PHF10: variants seen among roughly 807,000 people sequenced by gnomAD.
The protein encoded by PHF10 is PHD finger protein 10.
A neutral mutation model predicts 68.5 loss-of-function variants in PHF10; 51 were observed. The ratio of observed to expected loss-of-function variants is 0.74; its 90% CI spans 0.59 to 0.94. PHF10 has a LOEUF of 0.94. PHF10 is among the 40% of genes least tolerant of loss of function. The pLI is 0.00. For missense variants in PHF10, 460 were observed against 602.6 expected, an observed-to-expected ratio of 0.76 and a Z score of 2.48; for synonymous variants, 204 against 203.5, an observed-to-expected ratio of 1.00 and a Z score of -0.02.
At chr6:169,706,727 T>TACATACATACAC (rs1490874788) in intron 9 of PHF10, among the ~76,000 whole-genome samples, 1 of 127,376 alleles carries the variant, frequency 7.9e-6, no homozygotes, top group Admixed American at 7.9e-5. Flanking sequence ...CATACATACA[T>TACATACATACAC]ACACACACAC....
intron 1 of PHF10, among the ~76,000 whole-genome samples, chr6:169,723,191 A>G (rs1479050055): frequency 2.6e-5 from 4 of 152,094 alleles, no homozygotes; most frequent in African/African-American, 7.2e-5. Flanking sequence ...CTTTTAAAAC[A>G]TCATTCCTCC....
intron 8 of PHF10, 92 bp from the exon 9 acceptor site, chr6:169,710,483 T>G (rs1788903709): frequency 1.1e-6 from 1 of 887,064 alleles, no homozygotes; most frequent in Non-Finnish European, 1.8e-6. Flanking sequence ...TCAAAGAAAG[T>G]TTTAAAGCTT....
At chr6:169,718,974 A>C in intron 2 of PHF10, 56 bp from the exon 3 acceptor site, 1 of 1,157,676 alleles carries the variant, frequency 8.6e-7, no homozygotes, top group South Asian at 1.4e-5. Flanking sequence ...ATTTTTAATC[A>C]CTTTTATTGA....
chr6:169,709,709 G>C (rs1001987344), intron 9 of PHF10: 3 of 152,046 alleles, frequency 2.0e-5, no homozygotes, highest in Non-Finnish European at 4.4e-5. Flanking sequence ...TAAGTAACAG[G>C]TTTTATTATT....
chr6:169,717,885 G>A lies in PHF10; in HGVS notation c.347C>T (p.Ser116Phe). The A allele has an allele frequency of 6.4e-7, 1 of 1,560,866 alleles. No individual in the cohort carries two copies. The highest frequency in any genetic ancestry group is 1.2e-5 in the South Asian group (1 of 86,186). The change falls in exon 4 of 12, where the codon TCT (serine) becomes TTT (phenylalanine). Residue 116 changes from serine to phenylalanine, a missense_variant. Ser to Phe is a radical substitution (Grantham distance 155). Coordinates refer to ENST00000339209, the MANE Select transcript of PHF10 (RefSeq NM_018288.4). Reference protein sequence around the residue: ...KYPDLERRDLSHKEKLYLREL... With the variant: ...KYPDLERRDLFHKEKLYLREL... ...TCTCAGGTAGAGTTTCTCCTTGTGAGACAAATCTCGTCGCTCTAAATCTCC... is the reference window on the plus strand; with the variant it reads ...TCTCAGGTAGAGTTTCTCCTTGTGAAACAAATCTCGTCGCTCTAAATCTCC...
intron 2 of PHF10, among the ~76,000 whole-genome samples, chr6:169,720,178 A>G (rs1472123919): frequency 6.6e-6 from 1 of 152,206 alleles, no homozygotes; most frequent in Non-Finnish European, 1.5e-5. Context: ...TTGGTGAGAA[A>G]TATGAAGAAA....
intron 11 of PHF10, chr6:169,704,623 T>C (rs1788708967): frequency 5.9e-6 from 1 of 169,428 alleles, no homozygotes; most frequent in African/African-American, 2.4e-5. Flanking sequence ...GCATATATTT[T>C]ATAAGAGTAT....
Position 169,723,964 on chromosome 6 carries a change from G to GTCGCCTCCGCCT in PHF10, c.-45_-34dup. The GTCGCCTCCGCCT allele has an allele frequency of 1.4e-6, 1 of 716,636 alleles. No individual in the cohort carries two copies. The highest frequency in any genetic ancestry group is 1.7e-6 in the Non-Finnish European group (1 of 589,596). The allele number at this position is 716,636 out of a possible 1,614,324, so 44.4% of individuals were successfully genotyped here. ...AGCGCCCCGCGCCGCCGCCGCCGCC[G>GTCGCCTCCGCCT]TCGCCTCCGCCTTGTCCCGGCCGCC... On this transcript the variant is annotated 5_prime_UTR_variant, in exon 1 of 12. Transcript: ENST00000339209.
chr6:169,720,581 T>C (rs1312828602), intron 2 of PHF10, among the ~76,000 whole-genome samples: 1 of 152,186 alleles, frequency 6.6e-6, no homozygotes, highest in African/African-American at 2.4e-5. Context: ...GTTCCACTTA[T>C]ATGAAGTAAC....
At chr6:169,705,403 G>T in intron 10 of PHF10, 82 bp from the exon 11 acceptor site, 1 of 950,702 alleles carries the variant, frequency 1.1e-6, no homozygotes, top group Non-Finnish European at 1.6e-6. Flanking sequence ...TTTGCTTTAG[G>T]ACTTCCAGAG....
chr6:169,716,907 T>C (rs548680210), intron 4 of PHF10, among the ~76,000 whole-genome samples: 2 of 152,240 alleles, frequency 1.3e-5, no homozygotes, highest in Non-Finnish European at 2.9e-5. Context: ...TAAAAAAATA[T>C]ATTGTACAAG....
intron 8 of PHF10, among the ~76,000 whole-genome samples, chr6:169,711,303 A>G (rs1476310353): frequency 6.6e-6 from 1 of 152,198 alleles, no homozygotes; most frequent in East Asian, 1.9e-4. Flanking sequence ...ATATTCTTTG[A>G]ACTGCATTTC....
chr6:169,710,154 C>T, intron 9 of PHF10, 82 bp downstream of exon 9: 1 of 1,060,164 alleles, frequency 9.4e-7, no homozygotes, highest in Non-Finnish European at 1.4e-6. Flanking sequence ...GCAGAAGCTC[C>T]ACAATCGTGA....
At position 169,723,365 on chromosome 6, in the gene PHF10, T is replaced by C. The variant is rs969264816; in HGVS notation, c.87+480A>G. Reference sequence around the variant, plus strand: ...ACTTCCGCTGAAAACATCCGGACGCTTGCGTATTAACTTAGTTATTACAGT... The same window carrying C: ...ACTTCCGCTGAAAACATCCGGACGCCTGCGTATTAACTTAGTTATTACAGT... On this transcript the variant is annotated intron_variant, in intron 1 of 11. Transcript: ENST00000339209. Among the ~76,000 whole-genome samples, 5 of 152,198 alleles carry C rather than the reference T, an allele frequency of 3.3e-5. No individual in the cohort carries two copies. The East Asian group carries it at 7.7e-4, about 23-fold the overall frequency.
intron 1 of PHF10, among the ~76,000 whole-genome samples, chr6:169,722,628 C>T (rs1789206959): frequency 6.6e-6 from 1 of 152,194 alleles, no homozygotes; most frequent in African/African-American, 2.4e-5. Flanking sequence ...GGCAGCGGGC[C>T]TTTTTCTTGA....
At chr6:169,704,865 GTATT>G (rs1208035038) in intron 11 of PHF10, 2 of 333,758 alleles carry the variant, frequency 6.0e-6, no homozygotes, top group Non-Finnish European at 1.1e-5. Flanking sequence ...TGTTACTTTA[GTATT>G]TCAGTAGAAA....
intron 9 of PHF10, among the ~76,000 whole-genome samples, 160 bp from the exon 10 acceptor site, chr6:169,705,884 G>T (rs995277165): frequency 3.9e-5 from 6 of 152,124 alleles, no homozygotes; most frequent in Admixed American, 2.0e-4. Flanking sequence ...TACAATGTAA[G>T]ACTGCCTACT....
Position 169,703,936 on chromosome 6 carries a change from A to G in PHF10, c.*67T>C. Reference sequence around the variant, plus strand: ...AAAAAAATCTTTTATTGGCATGAAAATAATGTTGTAAATGGCACCAAATAT... The same window carrying G: ...AAAAAAATCTTTTATTGGCATGAAAGTAATGTTGTAAATGGCACCAAATAT... On this transcript the variant is annotated 3_prime_UTR_variant, in exon 12 of 12. Transcript: ENST00000339209. The G allele has an allele frequency of 7.9e-7, 1 of 1,271,358 alleles. No individual in the cohort carries two copies. Among genetic ancestry groups the G allele is most frequent in the African/African-American group, 1.6e-5 (1 of 64,122 alleles). 78.8% of individuals were successfully genotyped at this position (1,271,358 alleles called of 1,614,324 possible).
rs1480026149 is a variant in PHF10, at chr6:169,724,323, TTCAGCCCCGCCACTCGCTCGCC to T, written c.-414_-393del. On this transcript the variant is annotated 5_prime_UTR_variant, in exon 1 of 12. Coordinates refer to ENST00000339209, the MANE Select transcript of PHF10 (RefSeq NM_018288.4). ...TGGCCTCAGCGCCGCCGCGACTCCC[TTCAGCCCCGCCACTCGCTCGCC>T]TCAGCCCCGCCGCTCGCTCGCCTCA... Among the ~76,000 whole-genome samples, 270 of 72,606 alleles carry T rather than the reference TTCAGCCCCGCCACTCGCTCGCC, an allele frequency of 3.7e-3. 1 individual carries two copies. The highest frequency in any genetic ancestry group is 0.018 in the Middle Eastern group (2 of 114). The allele number at this position is 72,606 out of a possible 152,430, so 47.6% of individuals were successfully genotyped here. A position where few individuals can be genotyped will look rare whatever the true frequency, so the allele number is the denominator to read the frequency against.
Sources: gnomAD v4.1 joint callset for allele counts (sites outside exome capture counted in the v4.1 genomes callset) on GRCh38, gnomAD v4.1.1 for gene constraint, MANE v1.5 for transcripts, NCBI Gene and HGNC (gene_info 2026-07-23, HGNC 2026-07-21) for gene names.